Variants in SHANK2 observed in about 807,000 individuals in gnomAD.
The protein encoded by SHANK2 is SH3 and multiple ankyrin repeat domains protein 2.
SHANK2 carries 43 observed loss-of-function variants against 133.7 expected under a neutral mutation model. That is an observed-to-expected ratio of 0.32 (90% CI 0.25 to 0.41). The LOEUF (loss-of-function observed/expected upper bound fraction) is 0.41, where lower values mean the gene tolerates loss of function less well. Among genes scored for constraint, SHANK2 ranks in the 10% least tolerant of loss-of-function variants. The pLI is 1.00. For missense variants in SHANK2, 1,994 were observed against 2,235.8 expected (o/e 0.89, Z 2.18); for synonymous variants, 1,017 against 952.8 (o/e 1.07, Z -1.24).
At chr11:71,085,800 ACATAATATATTATGT>A (rs1951389947) in intron 8 of SHANK2, among the ~76,000 whole-genome samples, 20 of 65,210 alleles carry the variant, frequency 3.1e-4, no homozygotes, top group African/African-American at 1.3e-3. Flanking sequence ...ATATGATACA[ACATAATATATTATGT>A]TATATTATAT....
At chr11:70,756,261 T>G (rs568004740) in intron 14 of SHANK2, among the ~76,000 whole-genome samples, 1 of 152,292 alleles carries the variant, frequency 6.6e-6, no homozygotes, top group South Asian at 2.1e-4. Context: ...CAGGCTCTGA[T>G]GGGAAAGATC....
At chr11:70,765,979 G>A (rs1947114022) in intron 14 of SHANK2, among the ~76,000 whole-genome samples, 1 of 152,188 alleles carries the variant, frequency 6.6e-6, no homozygotes, top group Non-Finnish European at 1.5e-5. Context: ...GTGGCCAGCT[G>A]CCTACTCTAA....
chr11:70,943,625 C>T (rs1411994770), intron 10 of SHANK2, among the ~76,000 whole-genome samples: 3 of 152,176 alleles, frequency 2.0e-5, no homozygotes, highest in African/African-American at 7.2e-5. Context: ...GATGGCAAGT[C>T]CTGAGTGCTG....
intron 10 of SHANK2, among the ~76,000 whole-genome samples, chr11:70,937,321 A>G (rs1273576663): frequency 6.6e-6 from 1 of 152,236 alleles, no homozygotes; most frequent in African/African-American, 2.4e-5. Flanking sequence ...TCATGTGGTA[A>G]CAGGGACGTG....
At position 71,245,034 on chromosome 11, in the gene SHANK2, A is replaced by T. The variant is rs372697273; in HGVS notation, c.-113+7391T>A. On this transcript the variant is annotated intron_variant, in intron 1 of 25. Transcript: ENST00000601538. ...CTCACTCTGTCACCCAGGCTAGAGT[A>T]CAGTGGCGTGATCACGGCTCACTGC... is the stretch of plus-strand genomic sequence containing the variant. Among the ~76,000 whole-genome samples, 184 of 151,766 alleles carry T rather than the reference A, an allele frequency of 1.2e-3. 1 individual carries two copies. The South Asian group carries it at 0.038, about 31-fold the overall frequency.
At chr11:71,107,057 G>C (rs944875502) in intron 6 of SHANK2, among the ~76,000 whole-genome samples, 4 of 152,138 alleles carry the variant, frequency 2.6e-5, no homozygotes, top group Non-Finnish European at 4.4e-5. Flanking sequence ...TGAGGTTGCA[G>C]TGAGCTGAGA....
At chr11:71,206,242 C>A (rs1555117974) in intron 2 of SHANK2, among the ~76,000 whole-genome samples, 3 of 152,210 alleles carry the variant, frequency 2.0e-5, no homozygotes, top group African/African-American at 7.2e-5. Context: ...CAGAGCGACT[C>A]CAGGAAGGGC....
chr11:71,113,159 C>A, intron 5 of SHANK2, 134 bp downstream of exon 5: 1 of 825,868 alleles, frequency 1.2e-6, no homozygotes, highest in Non-Finnish European at 2.0e-6. Flanking sequence ...GCCTGTACAT[C>A]CCAGCCCAGC....
At chr11:70,475,066 G>A (rs2135674128) in intron 25 of SHANK2, 1 of 152,486 alleles carries the variant, frequency 6.6e-6, no homozygotes, top group South Asian at 2.1e-4. Context: ...ACTCCCTGGA[G>A]GGCAAGACTG....
chr11:70,938,330 C>T (rs1328423729), intron 10 of SHANK2, among the ~76,000 whole-genome samples: 3 of 152,022 alleles, frequency 2.0e-5, no homozygotes, highest in Non-Finnish European at 2.9e-5. Context: ...AAGGAGCAAA[C>T]GAAGGTAGAA....
At chr11:70,641,737 C>T (rs148263487) in intron 17 of SHANK2, among the ~76,000 whole-genome samples, 11 of 152,344 alleles carry the variant, frequency 7.2e-5, no homozygotes, top group South Asian at 6.2e-4. Context: ...TATCTTTCCA[C>T]GGCTCAAATG....
At chr11:70,578,354 G>A (rs11236713) in intron 17 of SHANK2, among the ~76,000 whole-genome samples, 32,884 of 152,076 alleles carry the variant, frequency 0.22, 4,037 homozygotes, top group East Asian at 0.46. Context: ...TTCCAGCCCC[G>A]CAAGAGTGGG....
intron 11 of SHANK2, among the ~76,000 whole-genome samples, chr11:70,851,814 T>C (rs1565361151): frequency 1.3e-5 from 2 of 152,232 alleles, no homozygotes; most frequent in African/African-American, 2.4e-5. Context: ...TGGGGTCCAG[T>C]TGGACCATGC....
chr11:70,507,609 C>T lies in SHANK2; in HGVS notation c.2062-4678G>A, dbSNP rs146377842. 4.8e-3 allele frequency among the ~76,000 whole-genome samples: 733 copies of T among 152,240 alleles called. 10 individuals carry two copies. The highest frequency in any genetic ancestry group is 6.8e-3 in the Middle Eastern group (2 of 294). On this transcript the variant is annotated intron_variant, in intron 17 of 25. Coordinates refer to ENST00000601538, the MANE Select transcript of SHANK2 (RefSeq NM_012309.5). ...CGCTGGGGCAGAGGCAGGTGGCCATCCCGTCTGTCACCACTCCGCATTACC... is the reference window on the plus strand; with the variant it reads ...CGCTGGGGCAGAGGCAGGTGGCCATTCCGTCTGTCACCACTCCGCATTACC...
At position 71,120,083 on chromosome 11, in the gene SHANK2, T is replaced by C. The variant is rs376112524; in HGVS notation, c.208-1051A>G. Among the ~76,000 whole-genome samples, 63 of 152,312 alleles carry C rather than the reference T, an allele frequency of 4.1e-4. No individual in the cohort carries two copies. The East Asian group carries it at 0.01, about 25-fold the overall frequency. On this transcript the variant is annotated intron_variant, in intron 3 of 25. Coordinates refer to ENST00000601538, the MANE Select transcript of SHANK2 (RefSeq NM_012309.5). ...AATCAGTTGCCATGAGAGTTCATTT[T>C]TGCAAAGTTAAATAGTGTCAACAGG...
intron 2 of SHANK2, among the ~76,000 whole-genome samples, chr11:71,217,750 A>G (rs1954442636): frequency 6.6e-6 from 1 of 152,270 alleles, no homozygotes; most frequent in Admixed American, 6.5e-5. Flanking sequence ...AAAGTCTTTG[A>G]ATAGAAAAAG....
chr11:71,245,699 C>A (rs2135823308), intron 1 of SHANK2, among the ~76,000 whole-genome samples: 1 of 152,344 alleles, frequency 6.6e-6, no homozygotes, highest in Admixed American at 6.5e-5. Context: ...GCTGAATGAC[C>A]CTCGAGGGAG....
At chr11:70,955,511 T>C (rs955322290) in intron 10 of SHANK2, among the ~76,000 whole-genome samples, 2 of 152,034 alleles carry the variant, frequency 1.3e-5, no homozygotes, top group African/African-American at 4.8e-5. Flanking sequence ...ATATTTGTAA[T>C]ATGTGTCTAT....
chr11:70,654,526 A>C (rs1005907922), intron 17 of SHANK2: 2 of 152,146 alleles, frequency 1.3e-5, no homozygotes, highest in Non-Finnish European at 2.9e-5. Context: ...TATACTGGGG[A>C]AAGATGGTAT....
Sources: gnomAD v4.1 joint callset for allele counts (sites outside exome capture counted in the v4.1 genomes callset) on GRCh38, gnomAD v4.1.1 for gene constraint, MANE v1.5 for transcripts, NCBI Gene and HGNC (gene_info 2026-07-23, HGNC 2026-07-21) for gene names.